Variants in DARS2 observed in about 807,000 individuals in gnomAD.
DARS2 encodes aspartate--tRNA ligase, mitochondrial.
Under a neutral mutation model 83.0 loss-of-function variants are expected in DARS2, and 63 were observed. The observed-to-expected ratio is 0.76, with a 90% CI of 0.62 to 0.94. The LOEUF (loss-of-function observed/expected upper bound fraction) is 0.94, where lower values mean the gene tolerates loss of function less well. DARS2 is among the 40% of genes least tolerant of loss of function. DARS2 has a pLI of 0.00. For missense variants in DARS2, 675 were observed against 774.4 expected (o/e 0.87, Z 1.52); for synonymous variants, 250 against 269.3 (o/e 0.93, Z 0.70).
At chr1:173,834,732 GTTTTTTTTT>G in intron 7 of DARS2, among the ~76,000 whole-genome samples, 25 of 21,698 alleles carry the variant, frequency 1.2e-3, no homozygotes, top group Non-Finnish European at 1.3e-3. Flanking sequence ...GAGTTTTTTT[GTTTTTTTTT>G]TTTTTTTTTT....
rs555132948 is a variant in DARS2 at position 173,828,185 on chromosome 1, CAT to C, written c.228-146_228-145del. On this transcript the variant is annotated intron_variant, in intron 2 of 16. Transcript: ENST00000649689. The stretch of plus-strand genomic sequence containing the variant: ...GTAACTAATGAAGGTACATAATTAT[CAT>C]AAAAAACATGAAAAATTATAATTAT... 9.1e-5 allele frequency: 74 copies of C among 810,898 alleles called. 2 individuals are homozygous for C. The South Asian group carries it at 1.3e-3, about 14-fold the overall frequency. The allele number at this position is 810,898 out of a possible 1,614,324, so 50.2% of individuals were successfully genotyped here. A position where few individuals can be genotyped will look rare whatever the true frequency, so the allele number is the denominator to read the frequency against.
intron 6 of DARS2, among the ~76,000 whole-genome samples, chr1:173,833,985 C>G (rs1488394970): frequency 6.6e-6 from 1 of 152,064 alleles, no homozygotes; most frequent in Non-Finnish European, 1.5e-5. Context: ...TGGTCTCAAA[C>G]TTCTGGGTTT....
intron 4 of DARS2, 53 bp downstream of exon 4, chr1:173,830,814 A>G (rs1342088762): frequency 2.2e-6 from 3 of 1,341,164 alleles, no homozygotes; most frequent in African/African-American, 1.4e-5. Flanking sequence ...CATTTGCACC[A>G]TCTGTGTACA....
At chr1:173,849,686 T>C (rs1322847608) in intron 12 of DARS2, among the ~76,000 whole-genome samples, 2 of 152,136 alleles carry the variant, frequency 1.3e-5, no homozygotes, top group Non-Finnish European at 2.9e-5. Flanking sequence ...CAGTTCCTTC[T>C]TGTGCTGAGG....
Position 173,824,931 on chromosome 1 carries a change from C to G in DARS2, c.-299C>G, listed in dbSNP as rs147279823. On this transcript the variant is annotated 5_prime_UTR_variant, in exon 1 of 17. Transcript: ENST00000649689. ...CGCCTGGCGCCGCTACGTGGAGTCGCTCTCTCGTCGTCACTTTTGGCTGCC... is the reference window on the plus strand; with the variant it reads ...CGCCTGGCGCCGCTACGTGGAGTCGGTCTCTCGTCGTCACTTTTGGCTGCC... 123 of 365,336 alleles carry G rather than the reference C, an allele frequency of 3.4e-4. 1 individual carries two copies. The highest frequency in any genetic ancestry group is 2.3e-3 in the African/African-American group (108 of 47,270). The allele number at this position is 365,336 out of a possible 1,614,324, so 22.6% of individuals were successfully genotyped here.
chr1:173,853,232 A>T, intron 13 of DARS2, 117 bp from the exon 14 acceptor site: 1 of 959,372 alleles, frequency 1.0e-6, no homozygotes, highest in South Asian at 1.3e-5. Flanking sequence ...AGGGCATCCT[A>T]TCTGTTAATT....
At chr1:173,834,732 G>GTTTTT in intron 7 of DARS2, among the ~76,000 whole-genome samples, 1 of 21,696 alleles carries the variant, frequency 4.6e-5, no homozygotes, top group East Asian at 1.8e-3. Context: ...GAGTTTTTTT[G>GTTTTT]TTTTTTTTTT....
At chr1:173,854,131 A>T (rs574488346) in intron 15 of DARS2, among the ~76,000 whole-genome samples, 4 of 152,234 alleles carry the variant, frequency 2.6e-5, no homozygotes, top group Admixed American at 2.6e-4. Context: ...ACATGCCACC[A>T]TGCCCGGCAA....
chr1:173,854,142 A>AT (rs906639569), intron 15 of DARS2, among the ~76,000 whole-genome samples: 2 of 151,836 alleles, frequency 1.3e-5, no homozygotes, highest in East Asian at 1.9e-4. Context: ...TGCCCGGCAA[A>AT]TTTTTTTATT....
rs1462552997 is a variant in DARS2 at position 173,838,704 on chromosome 1, TATGATAGC to T, written c.840+448_840+455del. 2.6e-5 allele frequency among the ~76,000 whole-genome samples: 4 copies of T among 152,156 alleles called. No individual in the cohort carries two copies. The East Asian group carries it at 7.7e-4, about 29-fold the overall frequency. On this transcript the variant is annotated intron_variant, in intron 9 of 16. Transcript: ENST00000649689. The stretch of plus-strand genomic sequence containing the variant: ...CAAAGCTGTTACGATTTGCTTTCTG[TATGATAGC>T]ATTTTATTTTACTTTATATTATTTT...
chr1:173,838,024 T>C (rs568438100), intron 8 of DARS2, among the ~76,000 whole-genome samples, 166 bp from the exon 9 acceptor site: 4 of 152,314 alleles, frequency 2.6e-5, no homozygotes, highest in East Asian at 3.9e-4. Flanking sequence ...CTGCCCGCCT[T>C]GGCCTCCCAA....
intron 10 of DARS2, among the ~76,000 whole-genome samples, chr1:173,839,833 A>G (rs1373735034): frequency 1.3e-5 from 2 of 152,210 alleles, no homozygotes; most frequent in Non-Finnish European, 2.9e-5. Flanking sequence ...AACTTGAAAG[A>G]AAAAATAACT....
Position 173,858,126 on chromosome 1 carries a change from CTCA to C in DARS2, c.*425_*427del, listed in dbSNP as rs1358693927. 1 of 224,512 alleles carries C rather than the reference CTCA, an allele frequency of 4.5e-6. No individual in the cohort carries two copies. The highest frequency in any genetic ancestry group is 2.3e-5 in the African/African-American group (1 of 43,710). 13.9% of individuals were successfully genotyped at this position (224,512 alleles called of 1,614,324 possible). A position where few individuals can be genotyped will look rare whatever the true frequency, so the allele number is the denominator to read the frequency against. ...TTGATGGAGCATTTGCTTCATCATCCTCATCAAGAGAATCATATAAATTAAGCT... is the reference window on the plus strand; with the variant it reads ...TTGATGGAGCATTTGCTTCATCATCCTCAAGAGAATCATATAAATTAAGCT... On this transcript the variant is annotated 3_prime_UTR_variant, in exon 17 of 17. Coordinates refer to ENST00000649689, the MANE Select transcript of DARS2 (RefSeq NM_018122.5).
chr1:173,828,501 G>T, intron 3 of DARS2, 102 bp downstream of exon 3: 1 of 1,100,060 alleles, frequency 9.1e-7, no homozygotes, highest in Non-Finnish European at 1.4e-6. Context: ...AAATTCAGAA[G>T]TTTATTGTTA....
intron 7 of DARS2, among the ~76,000 whole-genome samples, chr1:173,835,007 C>T (rs1348723344): frequency 6.6e-6 from 1 of 151,658 alleles, no homozygotes; most frequent in Non-Finnish European, 1.5e-5. Context: ...GTCTCGAACA[C>T]CTGACCTGAA....
chr1:173,844,669 C>CAAAAAAAA lies in DARS2; in HGVS notation c.1129-528_1129-521dup, dbSNP rs549839808. ...TGGGTGACAGAGCTAGACTCCATCG[C>CAAAAAAAA]AAAAAAAAAAAAAAAAAAAAAAAAA... On this transcript the variant is annotated intron_variant, in intron 11 of 16. Coordinates refer to ENST00000649689, the MANE Select transcript of DARS2 (RefSeq NM_018122.5). Among the ~76,000 whole-genome samples, 40 of 29,926 alleles carry CAAAAAAAA rather than the reference C, an allele frequency of 1.3e-3. 1 individual carries two copies. Among genetic ancestry groups the CAAAAAAAA allele is most frequent in the African/African-American group, 3.0e-3 (38 of 12,552 alleles). 19.6% of individuals were successfully genotyped at this position (29,926 alleles called of 152,430 possible).
rs764263063 is a variant in DARS2, at chr1:173,825,368, G to C, written c.127+12G>C. 1.2e-6 allele frequency: 2 copies of C among 1,611,532 alleles called. No individual in the cohort carries two copies. Among genetic ancestry groups the C allele is most frequent in the African/African-American group, 2.7e-5 (2 of 74,766 alleles). On this transcript the variant is annotated intron_variant, in intron 1 of 16. Transcript: ENST00000649689. ...GAGGAGAATTCCAGGTGAAAATAGC[G>C]AAGAGATCTATCCTATGAACAGTAC...
At chr1:173,842,456 G>GC (rs1162015345) in intron 11 of DARS2, among the ~76,000 whole-genome samples, 1 of 149,456 alleles carries the variant, frequency 6.7e-6, no homozygotes, top group Non-Finnish European at 1.5e-5. Context: ...ATGCCACCAT[G>GC]CCCAGCTAAG....
chr1:173,833,618 C>G (rs1286797110), intron 6 of DARS2, 119 bp downstream of exon 6: 1 of 1,194,426 alleles, frequency 8.4e-7, no homozygotes, highest in Non-Finnish European at 1.2e-6. Context: ...GTCTGGAATT[C>G]ACTCAATGTG....
Sources: gnomAD v4.1 joint callset for allele counts (sites outside exome capture counted in the v4.1 genomes callset) on GRCh38, gnomAD v4.1.1 for gene constraint, MANE v1.5 for transcripts, NCBI Gene and HGNC (gene_info 2026-07-23, HGNC 2026-07-21) for gene names.